JMJD1C: variants seen among roughly 807,000 people sequenced by gnomAD.
JMJD1C encodes jumonji domain containing 1C.
In JMJD1C, 31 loss-of-function variants were observed where a neutral mutation model predicts 245.3. That is an observed-to-expected ratio of 0.13 (90% CI 0.09 to 0.17). The LOEUF is 0.17. JMJD1C is among the 10% of genes least tolerant of loss of function. The pLI is 1.00. For synonymous variants in JMJD1C, 1,057 were observed against 1,017.4 expected (o/e 1.04, Z -0.74); for missense variants, 2,691 against 3,000.2 (o/e 0.90, Z 2.41).
intron 3 of JMJD1C, among the ~76,000 whole-genome samples, chr10:63,244,712 G>A (rs1427540386): frequency 3.4e-5 from 5 of 149,042 alleles, no homozygotes; most frequent in African/African-American, 1.2e-4. Context: ...GTGGTGGTGC[G>A]CACCTATCGT....
intron 2 of JMJD1C, among the ~76,000 whole-genome samples, chr10:63,321,372 T>A (rs1334004086): frequency 6.6e-6 from 1 of 152,224 alleles, no homozygotes; most frequent in African/African-American, 2.4e-5. Context: ...CTTGCGATTG[T>A]CATCTGAAGT....
chr10:63,331,001 C>T (rs533270208), intron 2 of JMJD1C, among the ~76,000 whole-genome samples: 5 of 152,326 alleles, frequency 3.3e-5, no homozygotes, highest in Admixed American at 2.0e-4. Flanking sequence ...TACTCCCCAC[C>T]TACTTACTTG....
At chr10:63,469,951 A>C (rs533810881), upstream of JMJD1C, among the ~76,000 whole-genome samples, 10 of 152,144 alleles carry the variant, frequency 6.6e-5, no homozygotes, top group Non-Finnish European at 1.5e-4. Context: ...GTATACCCTA[A>C]GCACTTATTT....
chr10:63,316,400 GTTTGT>G (rs1222367961), intron 2 of JMJD1C, among the ~76,000 whole-genome samples: 1 of 151,940 alleles, frequency 6.6e-6, no homozygotes, highest in Non-Finnish European at 1.5e-5. Context: ...GTGTTTTTTG[GTTTGT>G]TTTGTGTGTA....
chr10:63,493,249 C>CTTTTTTTTTTTTTTTTTTTTTTTTTT (rs752941477), intron 1 of JMJD1C, among the ~76,000 whole-genome samples: 2 of 49,136 alleles, frequency 4.1e-5, no homozygotes, highest in Non-Finnish European at 3.4e-5. Flanking sequence ...ACTGTTATTT[C>CTTTTTTTTTTTTTTTTTTTTTTTTTT]TTTTTTTTTT....
At chr10:63,271,655 G>T (rs576048146) in intron 2 of JMJD1C, among the ~76,000 whole-genome samples, 1 of 151,240 alleles carries the variant, frequency 6.6e-6, no homozygotes, top group East Asian at 2.0e-4. Context: ...GGGTTCAAGC[G>T]ATTCTCCTGC....
At chr10:63,513,016 AT>A (rs1324989722) in intron 1 of JMJD1C, among the ~76,000 whole-genome samples, 3 of 152,088 alleles carry the variant, frequency 2.0e-5, no homozygotes, top group African/African-American at 7.2e-5. Context: ...ATTTTTTACT[AT>A]TTTTTATTCT....
intron 16 of JMJD1C, 52 bp downstream of exon 16, chr10:63,192,886 T>C: frequency 7.8e-7 from 1 of 1,282,998 alleles, no homozygotes; most frequent in South Asian, 1.2e-5. Flanking sequence ...ACATTGTTGG[T>C]TAGTTATACT....
At chr10:63,188,526 T>A (rs1470446543) in intron 18 of JMJD1C, among the ~76,000 whole-genome samples, 1 of 152,198 alleles carries the variant, frequency 6.6e-6, no homozygotes, top group Non-Finnish European at 1.5e-5. Context: ...AACTGTTGAA[T>A]AAACAAAGTA....
At chr10:63,396,538 A>G (rs978170082) in intron 1 of JMJD1C, among the ~76,000 whole-genome samples, 1 of 152,222 alleles carries the variant, frequency 6.6e-6, no homozygotes, top group African/African-American at 2.4e-5. Context: ...GCACACAACA[A>G]ATCAGATGAT....
intron 2 of JMJD1C, among the ~76,000 whole-genome samples, chr10:63,360,973 T>C (rs561032843): frequency 6.6e-6 from 1 of 152,326 alleles, no homozygotes; most frequent in South Asian, 2.1e-4. Context: ...TTCCATTAAA[T>C]ACTTTCAATT....
intron 2 of JMJD1C, among the ~76,000 whole-genome samples, chr10:63,371,164 AG>A (rs1353765411): frequency 6.4e-5 from 9 of 141,470 alleles, no homozygotes; most frequent in Admixed American, 4.9e-4. Context: ...TTTTTTTGGT[AG>A]GGATGAGGGT....
chr10:63,499,040 T>C (rs953454847), intron 1 of JMJD1C, among the ~76,000 whole-genome samples: 15 of 152,362 alleles, frequency 9.8e-5, no homozygotes, highest in African/African-American at 3.1e-4. Flanking sequence ...CATGTTGTCA[T>C]ACATGACAGT....
intron 3 of JMJD1C, among the ~76,000 whole-genome samples, chr10:63,248,631 G>A (rs922506795): frequency 1.3e-5 from 2 of 152,060 alleles, no homozygotes; most frequent in Non-Finnish European, 2.9e-5. Flanking sequence ...CGCTGTTGGT[G>A]GAAATGTAAA....
intron 18 of JMJD1C, among the ~76,000 whole-genome samples, chr10:63,186,778 A>C (rs1452419175): frequency 6.6e-6 from 1 of 152,214 alleles, no homozygotes; most frequent in Non-Finnish European, 1.5e-5. Flanking sequence ...TGATATAAAA[A>C]CATATCTAAG....
At chr10:63,392,788 G>GC (rs58262202) in intron 1 of JMJD1C, among the ~76,000 whole-genome samples, 3,025 of 132,020 alleles carry the variant, frequency 0.023, 88 homozygotes, top group Middle Eastern at 0.078. Context: ...TCACGCCACT[G>GC]CCCTCTAGCC....
intron 1 of JMJD1C, among the ~76,000 whole-genome samples, chr10:63,513,783 G>A (rs1476874422): frequency 1.3e-5 from 2 of 152,038 alleles, no homozygotes; most frequent in East Asian, 1.9e-4. Flanking sequence ...CGTGTTGGCG[G>A]GAGCCTGTAG....
intron 2 of JMJD1C, among the ~76,000 whole-genome samples, chr10:63,361,212 CA>C (rs1945295176): frequency 6.6e-6 from 1 of 152,164 alleles, no homozygotes; most frequent in Admixed American, 6.6e-5. Context: ...CACCTGAGGT[CA>C]GGAGTTCGAG....
chr10:63,273,269 G>A (rs1194652795), intron 2 of JMJD1C, among the ~76,000 whole-genome samples: 2 of 152,180 alleles, frequency 1.3e-5, no homozygotes, highest in Non-Finnish European at 2.9e-5. Flanking sequence ...TCAGCTCACT[G>A]CAGCCTCAAA....
Sources: gnomAD v4.1 joint callset for allele counts (sites outside exome capture counted in the v4.1 genomes callset) on GRCh38, gnomAD v4.1.1 for gene constraint, MANE v1.5 for transcripts, NCBI Gene and HGNC (gene_info 2026-07-23, HGNC 2026-07-21) for gene names.